The following PTPRD variants were observed in gnomAD, a reference collection of about 807,000 sequenced individuals.
PTPRD encodes receptor-type tyrosine-protein phosphatase delta.
Under a neutral mutation model 214.5 loss-of-function variants are expected in PTPRD, and 34 were observed. That is an observed-to-expected ratio of 0.16 (90% CI 0.12 to 0.21). The LOEUF is 0.21. Ranked by LOEUF, PTPRD falls within the 10% of genes least tolerant of loss-of-function variation. The pLI is 1.00. For synonymous variants in PTPRD, 1,128 were observed against 845.7 expected, an observed-to-expected ratio of 1.33 and a Z score of -5.79; for missense variants, 2,545 against 2,398.7, an observed-to-expected ratio of 1.06 and a Z score of -1.27.
chr9:9,630,527 G>T (rs951752541), intron 7 of PTPRD, among the ~76,000 whole-genome samples: 2 of 152,178 alleles, frequency 1.3e-5, no homozygotes, highest in Admixed American at 1.3e-4. Flanking sequence ...AACTGAACTA[G>T]AATTAGGCTT....
intron 3 of PTPRD, among the ~76,000 whole-genome samples, chr9:10,335,978 T>C (rs1231095113): frequency 1.3e-5 from 2 of 151,770 alleles, no homozygotes; most frequent in African/African-American, 4.8e-5. Context: ...GGAACACTCA[T>C]TCATTGCTGG....
intron 11 of PTPRD, among the ~76,000 whole-genome samples, chr9:8,888,566 G>A (rs2098511076): frequency 1.3e-5 from 2 of 152,200 alleles, no homozygotes. Context: ...GGGCTTTTAT[G>A]AAAGGTTTCC....
intron 8 of PTPRD, among the ~76,000 whole-genome samples, chr9:9,435,024 C>T (rs897158719): frequency 6.6e-6 from 1 of 151,712 alleles, no homozygotes; most frequent in Non-Finnish European, 1.5e-5. Context: ...ATTTAAGAAT[C>T]AAGTTATGGA....
At chr9:10,014,638 G>C (rs959233534) in intron 4 of PTPRD, among the ~76,000 whole-genome samples, 14 of 152,108 alleles carry the variant, frequency 9.2e-5, no homozygotes, top group African/African-American at 2.9e-4. Context: ...TAAATGACAA[G>C]AGGAAGCTGA....
At chr9:8,853,406 A>G (rs767209) in intron 11 of PTPRD, among the ~76,000 whole-genome samples, 27,189 of 152,106 alleles carry the variant, frequency 0.18, 2,984 homozygotes, top group Non-Finnish European at 0.24. Context: ...GTTGAAATCC[A>G]TTTTTATTTT....
At chr9:8,470,681 C>A (rs902856373) in intron 31 of PTPRD, among the ~76,000 whole-genome samples, 4 of 152,134 alleles carry the variant, frequency 2.6e-5, no homozygotes, top group African/African-American at 9.7e-5. Flanking sequence ...GTGATTAAGT[C>A]TTTGCTGACA....
chr9:8,898,130 C>T (rs1025390418), intron 11 of PTPRD, among the ~76,000 whole-genome samples: 1 of 152,100 alleles, frequency 6.6e-6, no homozygotes, highest in Non-Finnish European at 1.5e-5. Context: ...CTCCTCATCC[C>T]TTGTCAGTCT....
chr9:9,980,785 G>GA, intron 4 of PTPRD, among the ~76,000 whole-genome samples: 1 of 151,836 alleles, frequency 6.6e-6, no homozygotes, highest in South Asian at 2.1e-4. Flanking sequence ...AAAAAAGCCA[G>GA]AAAATTAATA....
In PTPRD at chr9:10,551,831, A is replaced by G. The variant is rs369342238; in HGVS notation, c.-600+60567T>C. 1.8e-4 allele frequency among the ~76,000 whole-genome samples: 27 copies of G among 152,268 alleles called. No individual in the cohort carries two copies. The East Asian group carries it at 5.2e-3, about 29-fold the overall frequency. On this transcript the variant is annotated intron_variant, in intron 2 of 45. Transcript: ENST00000381196. The stretch of plus-strand genomic sequence containing the variant: ...AAGTACCAGCATATGCCCAGAAAAA[A>G]AACTAGTGAAAAATGACTTTACATT...
intron 3 of PTPRD, among the ~76,000 whole-genome samples, chr9:10,296,006 G>T (rs2154403249): frequency 6.6e-6 from 1 of 151,992 alleles, no homozygotes; most frequent in South Asian, 2.1e-4. Flanking sequence ...TGATTCTAAA[G>T]GACAGACAGA....
intron 4 of PTPRD, among the ~76,000 whole-genome samples, chr9:9,978,104 A>ACACACACAGACG (rs1566884233): frequency 1.3e-5 from 2 of 151,102 alleles, no homozygotes; most frequent in East Asian, 3.9e-4. Context: ...ATTAAAACAC[A>ACACACACAGACG]CACACACACA....
chr9:8,460,360 C>T (rs1343452323), intron 33 of PTPRD, 51 bp downstream of exon 33: 4 of 1,602,348 alleles, frequency 2.5e-6, no homozygotes, highest in African/African-American at 1.3e-5. Context: ...ATCAAGTCTT[C>T]AAAAATAAGG....
chr9:9,571,526 G>T (rs1182408959), intron 8 of PTPRD, among the ~76,000 whole-genome samples: 3 of 151,030 alleles, frequency 2.0e-5, no homozygotes, highest in Non-Finnish European at 4.5e-5. Flanking sequence ...CTAATATTCT[G>T]ATATTTTAAT....
chr9:9,180,362 C>T lies in PTPRD; in HGVS notation c.-143+2942G>A, dbSNP rs992028610. ...TATCGCAAGGACAAAAAACCAAATACCGCATATTCTCACTCGTAGGTGGGA... is the reference window on the plus strand; with the variant it reads ...TATCGCAAGGACAAAAAACCAAATATCGCATATTCTCACTCGTAGGTGGGA... On this transcript the variant is annotated intron_variant, in intron 10 of 45. Transcript: ENST00000381196. 3.3e-5 allele frequency among the ~76,000 whole-genome samples: 5 copies of T among 149,488 alleles called. No homozygotes were observed. The South Asian group carries it at 8.5e-4, about 25-fold the overall frequency.
intron 8 of PTPRD, among the ~76,000 whole-genome samples, chr9:9,509,802 T>TAA (rs1485170043): frequency 1.4e-5 from 1 of 70,438 alleles, no homozygotes; most frequent in Non-Finnish European, 2.7e-5. Context: ...ACCTTTTTAT[T>TAA]TAAAAAAAAA....
At chr9:10,255,535 G>A (rs191174133) in intron 3 of PTPRD, among the ~76,000 whole-genome samples, 1 of 152,262 alleles carries the variant, frequency 6.6e-6, no homozygotes, top group Admixed American at 6.5e-5. Flanking sequence ...TAGGTGAGAG[G>A]TGCGCGAATA....
chr9:9,738,502 A>G (rs2761731), intron 6 of PTPRD, among the ~76,000 whole-genome samples: 110,846 of 142,338 alleles, frequency 0.78, 43,886 homozygotes, highest in African/African-American at 0.93. Flanking sequence ...AGAGACCATC[A>G]GTGCGATCTT....
rs567417171 is a variant in PTPRD, at chr9:9,435,778, G to C, written c.-236-38296C>G. Among the ~76,000 whole-genome samples the C allele has an allele frequency of 3.6e-4, 55 of 152,060 alleles. 3 individuals carry two copies. The South Asian group carries it at 8.1e-3, about 22-fold the overall frequency. ...ACATGTAATGTCTTAGTAAGCTTTG[G>C]ATCCTTTATTAGAAACCTGTGGGAT... On this transcript the variant is annotated intron_variant, in intron 8 of 45. Transcript: ENST00000381196.
At chr9:10,417,315 T>C (rs560069620) in intron 2 of PTPRD, among the ~76,000 whole-genome samples, 42 of 152,046 alleles carry the variant, frequency 2.8e-4, no homozygotes, top group Middle Eastern at 3.4e-3. Flanking sequence ...ACATTGATTT[T>C]TAGAGATTTT....
Sources: gnomAD v4.1 joint callset for allele counts (sites outside exome capture counted in the v4.1 genomes callset) on GRCh38, gnomAD v4.1.1 for gene constraint, MANE v1.5 for transcripts, NCBI Gene and HGNC (gene_info 2026-07-23, HGNC 2026-07-21) for gene names.